Variants in NAALAD2 observed in about 807,000 individuals in gnomAD.
NAALAD2 encodes the protein N-acetylated-alpha-linked acidic dipeptidase 2.
Under a neutral mutation model 95.6 loss-of-function variants are expected in NAALAD2, and 89 were observed. The observed-to-expected ratio is 0.93, with a 90% CI of 0.78 to 1.11. The LOEUF is 1.11. NAALAD2 is among the 50% of genes least tolerant of loss of function. The pLI is 0.00. For synonymous variants in NAALAD2, 264 were observed against 294.4 expected (o/e 0.90, Z 1.06); for missense variants, 894 against 872.4 (o/e 1.02, Z -0.31).
intron 12 of NAALAD2, 43 bp from the exon 13 acceptor site, chr11:90,170,026 T>G: frequency 9.0e-7 from 1 of 1,114,800 alleles, no homozygotes; most frequent in Non-Finnish European, 1.4e-6. Context: ...GGAATTTCAT[T>G]TAGAAGTATG....
rs77109607 is a variant in NAALAD2, at chr11:90,161,351, G to A, written c.990-1598G>A. On this transcript the variant is annotated intron_variant, in intron 8 of 18. Coordinates refer to ENST00000534061, the MANE Select transcript of NAALAD2 (RefSeq NM_005467.4). ...CTTTACAGAGCTGTAAAACAGTCTA[G>A]TTAAGGACACTGACAGGTAAAGTTG... 6.7e-3 allele frequency among the ~76,000 whole-genome samples: 1,020 copies of A among 152,288 alleles called. 8 individuals are homozygous for A. Among genetic ancestry groups the A allele is most frequent in the Middle Eastern group, 0.048 (14 of 294 alleles).
intron 14 of NAALAD2, 58 bp downstream of exon 14, chr11:90,173,973 C>A: frequency 9.3e-7 from 1 of 1,079,160 alleles, no homozygotes; most frequent in African/African-American, 1.6e-5. Context: ...TCCCCTCTGC[C>A]TCTTGTTTCT....
intron 11 of NAALAD2, among the ~76,000 whole-genome samples, chr11:90,167,928 AAG>A (rs1332031398): frequency 6.6e-6 from 1 of 152,188 alleles, no homozygotes; most frequent in Admixed American, 6.5e-5. Flanking sequence ...GGGGTCAGAT[AAG>A]AGAATAAAAG....
chr11:90,140,585 A>T (rs1451840139), intron 2 of NAALAD2, among the ~76,000 whole-genome samples: 2 of 151,986 alleles, frequency 1.3e-5, no homozygotes, highest in Admixed American at 6.6e-5. Context: ...GTTCAAACCT[A>T]TGTTTCAAGG....
At chr11:90,161,028 C>A (rs1459859526) in intron 8 of NAALAD2, among the ~76,000 whole-genome samples, 1 of 152,074 alleles carries the variant, frequency 6.6e-6, no homozygotes, top group Non-Finnish European at 1.5e-5. Flanking sequence ...CTAAGCAAAG[C>A]AGAAACATAA....
intron 18 of NAALAD2, among the ~76,000 whole-genome samples, chr11:90,189,036 C>T (rs1010421960): frequency 4.6e-5 from 7 of 152,204 alleles, no homozygotes; most frequent in African/African-American, 7.2e-5. Context: ...CTGAATTATA[C>T]TGGTGGTCCC....
chr11:90,189,334 A>T (rs1026660328), intron 18 of NAALAD2, among the ~76,000 whole-genome samples: 3 of 152,326 alleles, frequency 2.0e-5, no homozygotes, highest in Middle Eastern at 3.4e-3. Context: ...GTTGGTGGTA[A>T]TTTGCACAGC....
At position 90,175,280 on chromosome 11, in the gene NAALAD2, A is replaced by G. The variant is rs573649473; in HGVS notation, c.1503-692A>G. Reference sequence around the variant, plus strand: ...CAGTAAAATACAAAAATGATTTCTAAAACATTGAAGAGGTCAGTCTCAAAA... The same window carrying G: ...CAGTAAAATACAAAAATGATTTCTAGAACATTGAAGAGGTCAGTCTCAAAA... On this transcript the variant is annotated intron_variant, in intron 14 of 18. Coordinates refer to ENST00000534061, the MANE Select transcript of NAALAD2 (RefSeq NM_005467.4). Among the ~76,000 whole-genome samples, 22 of 152,324 alleles carry G rather than the reference A, an allele frequency of 1.4e-4. No homozygotes were observed. The East Asian group carries it at 4.2e-3, about 29-fold the overall frequency.
intron 11 of NAALAD2, among the ~76,000 whole-genome samples, chr11:90,166,835 CAAAAAAAA>C (rs1242969059): frequency 4.6e-5 from 3 of 64,722 alleles, no homozygotes; most frequent in African/African-American, 1.3e-4. Context: ...ATTCTGTCTC[CAAAAAAAA>C]AAAAAAAAAG....
intron 18 of NAALAD2, among the ~76,000 whole-genome samples, chr11:90,186,262 G>C (rs1857139248): frequency 6.6e-6 from 1 of 151,102 alleles, no homozygotes; most frequent in Non-Finnish European, 1.5e-5. Context: ...CCACCTATGA[G>C]TGAGAATATG....
chr11:90,170,804 G>A (rs1488876602), intron 13 of NAALAD2, among the ~76,000 whole-genome samples: 4 of 152,150 alleles, frequency 2.6e-5, no homozygotes, highest in Admixed American at 6.5e-5. Flanking sequence ...AGAGGACACA[G>A]TATCTAAAAA....
At chr11:90,139,286 G>A (rs1327837076) in intron 2 of NAALAD2, among the ~76,000 whole-genome samples, 1 of 152,018 alleles carries the variant, frequency 6.6e-6, no homozygotes. Context: ...TTCAAGGCTT[G>A]GGGGTTAACA....
chr11:90,189,630 G>A (rs776008716), intron 18 of NAALAD2, among the ~76,000 whole-genome samples: 28 of 152,094 alleles, frequency 1.8e-4, no homozygotes, highest in Non-Finnish European at 2.8e-4. Flanking sequence ...TTAGCCAGGC[G>A]TGGTGGTAGG....
chr11:90,176,627 G>C (rs1363424269), intron 15 of NAALAD2, among the ~76,000 whole-genome samples: 1 of 152,106 alleles, frequency 6.6e-6, no homozygotes, highest in Non-Finnish European at 1.5e-5. Flanking sequence ...ATGATATGCA[G>C]GTACTTGGAT....
Position 90,134,721 on chromosome 11 carries a change from A to C in NAALAD2, c.-38A>C. 6.2e-7 allele frequency: 1 copy of C among 1,605,098 alleles called. No individual in the cohort carries two copies. The highest frequency in any genetic ancestry group is 8.5e-7 in the Non-Finnish European group (1 of 1,173,100). ...TTTCTCTGCAGCCCCGAAGCTCGCG[A>C]ATGTAGCAGGCGCCCCAAGCTCGGT... On this transcript the variant is annotated 5_prime_UTR_variant, in exon 1 of 19. Transcript: ENST00000534061.
intron 15 of NAALAD2, 85 bp downstream of exon 15, chr11:90,176,147 C>T (rs1952789384): frequency 1.0e-6 from 1 of 996,056 alleles, no homozygotes; most frequent in Non-Finnish European, 1.5e-6. Context: ...TGGCACCAGA[C>T]ACCTGGTGGA....
intron 6 of NAALAD2, among the ~76,000 whole-genome samples, chr11:90,156,737 A>C (rs10765259): frequency 0.45 from 68,800 of 151,908 alleles, 16,640 homozygotes; most frequent in African/African-American, 0.62. Flanking sequence ...TAGGCATGTG[A>C]CACCATGCCC....
intron 4 of NAALAD2, among the ~76,000 whole-genome samples, chr11:90,150,051 A>C (rs1565516931): frequency 6.6e-6 from 1 of 152,100 alleles, no homozygotes; most frequent in Non-Finnish European, 1.5e-5. Context: ...CAGGAGTTCA[A>C]GACCAGACTG....
intron 6 of NAALAD2, among the ~76,000 whole-genome samples, chr11:90,153,296 G>A (rs979367537): frequency 6.6e-6 from 1 of 152,056 alleles, no homozygotes; most frequent in African/African-American, 2.4e-5. Context: ...ATTTCTCTTT[G>A]GGAAATACTT....
Sources: allele counts gnomAD v4.1 joint callset (sites outside exome capture counted in the v4.1 genomes callset), GRCh38; gene constraint gnomAD v4.1.1; transcripts MANE v1.5; gene names NCBI Gene and HGNC (gene_info 2026-07-23, HGNC 2026-07-21).